The following SV2B variants were observed in gnomAD, a reference collection of about 807,000 sequenced individuals.
SV2B encodes solute carrier family 22 member B2.
In SV2B, 41 loss-of-function variants were observed where a neutral mutation model predicts 73.9. The ratio of observed to expected loss-of-function variants is 0.56; its 90% CI spans 0.43 to 0.72. The LOEUF is 0.72. SV2B is among the 30% of genes least tolerant of loss of function. The pLI is 0.00. For synonymous variants in SV2B, 314 were observed against 314.2 expected, an observed-to-expected ratio of 1.00 and a Z score of 0.01; for missense variants, 764 against 857.8, an observed-to-expected ratio of 0.89 and a Z score of 1.37.
intron 1 of SV2B, among the ~76,000 whole-genome samples, chr15:91,175,286 G>A (rs1008899643): frequency 3.3e-5 from 5 of 150,722 alleles, no homozygotes; most frequent in East Asian, 2.0e-4. Flanking sequence ...ATGGAGTCTC[G>A]CTGTGTAGCC....
chr15:91,144,265 A>G (rs1396965656), intron 1 of SV2B, among the ~76,000 whole-genome samples: 1 of 152,234 alleles, frequency 6.6e-6, no homozygotes, highest in African/African-American at 2.4e-5. Flanking sequence ...GAGTGGTTTG[A>G]GGAATGTAGC....
At chr15:91,275,847 C>T (rs1166233426) in intron 9 of SV2B, among the ~76,000 whole-genome samples, 1 of 152,078 alleles carries the variant, frequency 6.6e-6, no homozygotes, top group African/African-American at 2.4e-5. Context: ...GGAAAATGTA[C>T]TTAACCATTT....
intron 9 of SV2B, among the ~76,000 whole-genome samples, chr15:91,278,717 C>G (rs1208530496): frequency 6.8e-6 from 1 of 147,416 alleles, no homozygotes; most frequent in Non-Finnish European, 1.5e-5. Context: ...CACAGATATT[C>G]AGGCAAGAAT....
chr15:91,238,898 T>G (rs1014230573), intron 2 of SV2B, among the ~76,000 whole-genome samples: 1 of 151,772 alleles, frequency 6.6e-6, no homozygotes, highest in Non-Finnish European at 1.5e-5. Flanking sequence ...CAGAGAACAC[T>G]CGGGTCCTCG....
intron 1 of SV2B, among the ~76,000 whole-genome samples, chr15:91,198,631 G>C (rs187373999): frequency 1.3e-5 from 2 of 152,358 alleles, no homozygotes; most frequent in Admixed American, 1.3e-4. Flanking sequence ...ATGAGTAAAA[G>C]GGTTTCTGCT....
intron 2 of SV2B, among the ~76,000 whole-genome samples, chr15:91,226,998 C>T (rs1256352494): frequency 6.6e-6 from 1 of 152,128 alleles, no homozygotes; most frequent in African/African-American, 2.4e-5. Context: ...TCATGTTAAA[C>T]CTTCTTCGAT....
In SV2B at chr15:91,237,265, G is replaced by A. The variant is rs145826917; in HGVS notation, c.451+10551G>A. 2.9e-3 allele frequency among the ~76,000 whole-genome samples: 439 copies of A among 152,210 alleles called. 4 individuals carry two copies. The highest frequency in any genetic ancestry group is 4.6e-3 in the Admixed American group (71 of 15,296). ...TCATGCACTATTGACATGTTGGGCTGGACAATTCCATGTTCTGAGGGGCCG... is the reference window on the plus strand; with the variant it reads ...TCATGCACTATTGACATGTTGGGCTAGACAATTCCATGTTCTGAGGGGCCG... On this transcript the variant is annotated intron_variant, in intron 2 of 12. Transcript: ENST00000394232.
chr15:91,126,910 G>T (rs879785872), intron 1 of SV2B, among the ~76,000 whole-genome samples: 1 of 152,194 alleles, frequency 6.6e-6, no homozygotes, highest in Non-Finnish European at 1.5e-5. Context: ...AGTTAATGGT[G>T]AAAGACTGAA....
At chr15:91,166,092 TC>T (rs1429328482) in intron 1 of SV2B, among the ~76,000 whole-genome samples, 4 of 152,192 alleles carry the variant, frequency 2.6e-5, no homozygotes, top group African/African-American at 9.6e-5. Flanking sequence ...GAATTGTTGT[TC>T]CCTTAATATC....
In SV2B at chr15:91,236,958, T is replaced by C. The variant is rs2046809354; in HGVS notation, c.451+10244T>C. ...GGTAGCTGGATTTTTTTTTTTAACC[T>C]GTTGGCTTGGAAAGAGATCTTGAGA... On this transcript the variant is annotated intron_variant, in intron 2 of 12. Coordinates refer to ENST00000394232, the MANE Select transcript of SV2B (RefSeq NM_001323032.3). This position sits in a 1 kb window ranked among gnomAD's most constrained non-coding sequence, Gnocchi z 4.1. 6.6e-6 allele frequency among the ~76,000 whole-genome samples: 1 copy of C among 151,908 alleles called. No homozygotes were observed. Among genetic ancestry groups the C allele is most frequent in the Non-Finnish European group, 1.5e-5 (1 of 67,990 alleles).
intron 2 of SV2B, among the ~76,000 whole-genome samples, chr15:91,248,178 G>A (rs550982711): frequency 3.9e-5 from 6 of 152,152 alleles, no homozygotes; most frequent in East Asian, 3.9e-4. Context: ...AAAATTAGCC[G>A]GGCGTGGTGG....
rs749373935 is a variant in SV2B, at chr15:91,261,999, A to AT, written c.1008+1596dup. 2.0e-5 allele frequency among the ~76,000 whole-genome samples: 3 copies of AT among 152,148 alleles called. No homozygotes were observed. Among genetic ancestry groups the AT allele is most frequent in the Non-Finnish European group, 4.4e-5 (3 of 68,020 alleles). On this transcript the variant is annotated intron_variant, in intron 6 of 12. Coordinates refer to ENST00000394232, the MANE Select transcript of SV2B (RefSeq NM_001323032.3). This position sits in a 1 kb window ranked among gnomAD's most constrained non-coding sequence, Gnocchi z 4.7. ...TACCTAACTTTGATTCACTGCTTTTATTTTTTAGCTTCCATAATTTCAGTC... is the reference window on the plus strand; with the variant it reads ...TACCTAACTTTGATTCACTGCTTTTATTTTTTTAGCTTCCATAATTTCAGTC...
Position 91,284,927 on chromosome 15 carries a change from A to G in SV2B, c.1708+706A>G, listed in dbSNP as rs1163286075. Among the ~76,000 whole-genome samples the G allele has an allele frequency of 6.6e-6, 1 of 152,200 alleles. No homozygotes were observed. Among genetic ancestry groups the G allele is most frequent in the Non-Finnish European group, 1.5e-5 (1 of 68,036 alleles). On this transcript the variant is annotated intron_variant, in intron 11 of 12. Transcript: ENST00000394232. This position sits in a 1 kb window ranked among gnomAD's most constrained non-coding sequence, Gnocchi z 4.5. The stretch of plus-strand genomic sequence containing the variant: ...GCCATGAATGGTAAACAAGAAGCAA[A>G]ATGTACAGATTGAGGACCAGGGGAA...
chr15:91,286,569 C>T (rs558170106), intron 11 of SV2B, among the ~76,000 whole-genome samples: 12 of 152,180 alleles, frequency 7.9e-5, no homozygotes, highest in African/African-American at 2.9e-4. Flanking sequence ...AGGCAGACTT[C>T]GACTAGAAAT....
At chr15:91,272,420 C>T (rs2048344795) in intron 9 of SV2B, among the ~76,000 whole-genome samples, 1 of 152,094 alleles carries the variant, frequency 6.6e-6, no homozygotes. Flanking sequence ...AGAGCATTAT[C>T]TTATTTAAAC....
intron 1 of SV2B, among the ~76,000 whole-genome samples, chr15:91,109,503 T>G (rs1308967881): frequency 6.6e-6 from 1 of 152,226 alleles, no homozygotes; most frequent in Non-Finnish European, 1.5e-5. Flanking sequence ...AAATGAACAC[T>G]GCTAAGGAGA....
chr15:91,150,819 G>A (rs1234759086), intron 1 of SV2B, among the ~76,000 whole-genome samples: 1 of 152,242 alleles, frequency 6.6e-6, no homozygotes, highest in Non-Finnish European at 1.5e-5. Context: ...GGAGCTTGTA[G>A]TGAGCAGAGA....
At chr15:91,221,693 G>GCGCGCGCGCACA (rs370290337) in intron 1 of SV2B, among the ~76,000 whole-genome samples, 5,009 of 140,102 alleles carry the variant, frequency 0.036, 135 homozygotes, top group African/African-American at 0.063. Context: ...AAGCATGTGC[G>GCGCGCGCGCACA]CACACACACA....
intron 2 of SV2B, among the ~76,000 whole-genome samples, chr15:91,237,014 T>G (rs192006129): frequency 6.6e-6 from 1 of 152,040 alleles, no homozygotes; most frequent in Admixed American, 6.5e-5. Flanking sequence ...TTTTGTGACT[T>G]TGCCTCAGAA....
Sources: allele counts gnomAD v4.1 joint callset (sites outside exome capture counted in the v4.1 genomes callset), GRCh38; gene constraint gnomAD v4.1.1; non-coding constraint Gnocchi (gnomAD v3.1); transcripts MANE v1.5; gene names NCBI Gene and HGNC (gene_info 2026-07-23, HGNC 2026-07-21).